Variants in PCDHGA4 observed in about 807,000 individuals in gnomAD.
PCDHGA4 encodes protocadherin gamma-A4.
In PCDHGA4, 38 loss-of-function variants were observed where a neutral mutation model predicts 54.6. That is an observed-to-expected ratio of 0.70 (90% confidence interval 0.54 to 0.91). PCDHGA4 has a LOEUF of 0.91. PCDHGA4 is among the 40% of genes least tolerant of loss of function. The pLI, the probability that PCDHGA4 is intolerant of heterozygous loss-of-function variation, is 0.00. For missense variants in PCDHGA4, 1,298 were observed against 1,220.9 expected (o/e 1.06, Z -0.94); for synonymous variants, 511 against 512.9 (o/e 1.00, Z 0.05).
chr5:141,375,006 A>G (rs774947515), intron 1 of PCDHGA4: 25 of 1,613,884 alleles, frequency 1.5e-5, no homozygotes, highest in Non-Finnish European at 1.8e-5. Context: ...GCAAATCTAG[A>G]CTATGAGGAC....
rs1222364302 is a variant in PCDHGA4, at chr5:141,414,920, C to T, written c.2514+57299C>T. On this transcript the variant is annotated intron_variant, in intron 1 of 3. Coordinates refer to ENST00000571252, the MANE Select transcript of PCDHGA4 (RefSeq NM_018917.4). ...GACGGTTCCACAGGCGTGGAGCTGG[C>T]GCCCCGCTCCGCAGAGCCCGGCTAC... 2.5e-6 allele frequency: 4 copies of T among 1,614,146 alleles called. No individual in the cohort carries two copies. The South Asian group carries it at 3.3e-5, about 13-fold the overall frequency.
rs1458644316 is a variant in PCDHGA4 at position 141,372,571 on chromosome 5, A to G, written c.2514+14950A>G. 1.9e-6 allele frequency: 3 copies of G among 1,613,904 alleles called. No individual in the cohort carries two copies. In the Admixed American group the frequency reaches 5.0e-5, roughly 27 times the overall value. ...TCCTCCAGACCCGCCACTGAGGGCT[A>G]CTTTCAGCCTGGTGTCTGCTTCAAG... On this transcript the variant is annotated intron_variant, in intron 1 of 3. Transcript: ENST00000571252.
chr5:141,387,670 C>T, intron 1 of PCDHGA4: 1 of 694,130 alleles, frequency 1.4e-6, no homozygotes, highest in Non-Finnish European at 2.3e-6. Flanking sequence ...CGCTCCAGAT[C>T]TCCTCGCGCA....
intron 1 of PCDHGA4, chr5:141,403,017 T>C: frequency 6.2e-7 from 1 of 1,614,064 alleles, no homozygotes; most frequent in South Asian, 1.1e-5. Context: ...CTCCTGGGGA[T>C]GCTATGGGAG....
rs757924501 is a variant in PCDHGA4, at chr5:141,490,548, A to G, written c.2515-4259A>G. 1.2e-6 allele frequency: 2 copies of G among 1,614,084 alleles called. No individual in the cohort carries two copies. Among genetic ancestry groups the G allele is most frequent in the South Asian group, 2.2e-5 (2 of 91,080 alleles). ...ATGCTGGTTCACCTTCCCTACACAA[A>G]CATCTCACCATCAGGCTCAACATTT... On this transcript the variant is annotated intron_variant, in intron 1 of 3. Transcript: ENST00000571252. This position sits in a 1 kb window ranked among gnomAD's most constrained non-coding sequence, Gnocchi z 5.4.
intron 1 of PCDHGA4, chr5:141,433,325 C>CA: frequency 2.8e-6 from 2 of 726,266 alleles, no homozygotes; most frequent in Non-Finnish European, 4.5e-6. Context: ...TCCGGTGTAA[C>CA]AGGGACTACA....
At position 141,431,245 on chromosome 5, in the gene PCDHGA4, C is replaced by T; in HGVS notation, c.2515-63562C>T. The T allele has an allele frequency of 1.2e-6, 2 of 1,614,134 alleles. No individual in the cohort carries two copies. The highest frequency in any genetic ancestry group is 1.7e-6 in the Non-Finnish European group (2 of 1,180,038). ...TACCCCACGCCTGGGATCCGGATATCGGGAAGAACTCTCTGCAGAGCTACG... is the reference window on the plus strand; with the variant it reads ...TACCCCACGCCTGGGATCCGGATATTGGGAAGAACTCTCTGCAGAGCTACG... On this transcript the variant is annotated intron_variant, in intron 1 of 3. Transcript: ENST00000571252. This position sits in a 1 kb window ranked among gnomAD's most constrained non-coding sequence, Gnocchi z 4.8.
rs200411745 is a variant in PCDHGA4, at chr5:141,490,281, C to T, written c.2515-4526C>T. The T allele has an allele frequency of 1.2e-6, 2 of 1,614,070 alleles. No homozygotes were observed. The highest frequency in any genetic ancestry group is 1.3e-5 in the African/African-American group (1 of 74,924). On this transcript the variant is annotated intron_variant, in intron 1 of 3. Transcript: ENST00000571252. This position sits in a 1 kb window ranked among gnomAD's most constrained non-coding sequence, Gnocchi z 5.4. The stretch of plus-strand genomic sequence containing the variant: ...ATGTGGGGGATGTCAATGACAATGC[C>T]CCAGAGGTGCTATTGGCCTCTTTGG...
At position 141,431,569 on chromosome 5, in the gene PCDHGA4, CGAA is replaced by C. The variant is rs780392922; in HGVS notation, c.2515-63236_2515-63234del. The C allele has an allele frequency of 1.9e-6, 3 of 1,614,000 alleles. No homozygotes were observed. The highest frequency in any genetic ancestry group is 2.7e-5 in the African/African-American group (2 of 74,932). ...TTGTAGTCAACGCTACCGACCCTGA[CGAA>C]GGAGTCAATGCGGAAGTGAGGTATT... On this transcript the variant is annotated intron_variant, in intron 1 of 3. Transcript: ENST00000571252. This position sits in a 1 kb window ranked among gnomAD's most constrained non-coding sequence, Gnocchi z 4.8.
intron 1 of PCDHGA4, chr5:141,360,103 T>A (rs1233715978): frequency 1.3e-6 from 2 of 1,539,284 alleles, no homozygotes; most frequent in Non-Finnish European, 1.7e-6. Flanking sequence ...GGCTTATTCC[T>A]CCTATGGGCA....
At chr5:141,457,537 T>A (rs967428207) in intron 1 of PCDHGA4, among the ~76,000 whole-genome samples, 2 of 152,228 alleles carry the variant, frequency 1.3e-5, no homozygotes, top group Admixed American at 6.5e-5. Flanking sequence ...TAGGGTTTAA[T>A]GACAAATGTA....
Position 141,433,359 on chromosome 5 carries a change from CTAT to C in PCDHGA4, c.2515-61447_2515-61445del, listed in dbSNP as rs2097588942. 4 of 228,708 alleles carry C rather than the reference CTAT, an allele frequency of 1.7e-5. No homozygotes were observed. In the African/African-American group the frequency reaches 3.4e-4, roughly 19 times the overall value. The allele number at this position is 228,708 out of a possible 1,614,324, so 14.2% of individuals were successfully genotyped here. ...CAGGTGCAAGCCACCTACTGTCTGC[CTAT>C]CTATCTATCTATCTATCTATCTATC... On this transcript the variant is annotated intron_variant, in intron 1 of 3. Coordinates refer to ENST00000571252, the MANE Select transcript of PCDHGA4 (RefSeq NM_018917.4).
intron 1 of PCDHGA4, among the ~76,000 whole-genome samples, chr5:141,473,246 A>G (rs1045740920): frequency 7.2e-5 from 11 of 152,224 alleles, no homozygotes; most frequent in Admixed American, 4.6e-4. Context: ...AAGTGAATAC[A>G]TATATAGTCC....
intron 1 of PCDHGA4, chr5:141,367,812 C>T (rs1012186611): frequency 2.6e-5 from 4 of 151,872 alleles, no homozygotes; most frequent in African/African-American, 9.7e-5. Context: ...ATAGATAAAC[C>T]CTTTACTTAT....
In PCDHGA4 at chr5:141,357,367, C is replaced by A. The variant is rs377276213; in HGVS notation, c.2260C>A (p.Arg754Ser). Residue 754 changes from arginine (R) to serine (S), a missense_variant, in exon 1 of 4, where the codon CGC (arginine) becomes AGC (serine). Arg to Ser is a moderately radical substitution (Grantham distance 110). Coordinates refer to ENST00000571252, the MANE Select transcript of PCDHGA4 (RefSeq NM_018917.4). The part of the protein sequence containing the change: ...ALKLRRWHKS[R>S]LLHAEGSRLA... The stretch of plus-strand genomic sequence containing the variant: ...CAAGCTGAGACGCTGGCACAAGTCA[C>A]GCCTGCTTCACGCTGAAGGCAGCAG... 6 of 1,614,060 alleles carry A rather than the reference C, an allele frequency of 3.7e-6. No individual in the cohort carries two copies. In the African/African-American group the frequency reaches 6.7e-5, roughly 18 times the overall value.
intron 1 of PCDHGA4, among the ~76,000 whole-genome samples, chr5:141,468,890 G>A (rs2099184679): frequency 6.6e-6 from 1 of 151,592 alleles, no homozygotes; most frequent in African/African-American, 2.4e-5. Flanking sequence ...TAATAATAAG[G>A]TACTAATATG....
At chr5:141,361,700 A>G (rs1200553765) in intron 1 of PCDHGA4, 2 of 1,613,456 alleles carry the variant, frequency 1.2e-6, no homozygotes, top group Non-Finnish European at 1.7e-6. Context: ...GCCTTCGATC[A>G]TGAGCAGCTG....
intron 1 of PCDHGA4, among the ~76,000 whole-genome samples, chr5:141,438,497 T>C (rs1274742357): frequency 6.7e-6 from 1 of 149,116 alleles, no homozygotes; most frequent in African/African-American, 2.5e-5. Flanking sequence ...GAAAAAAGAA[T>C]CATAGTGCAA....
intron 1 of PCDHGA4, chr5:141,394,806 G>A: frequency 6.2e-7 from 1 of 1,613,852 alleles, no homozygotes; most frequent in Non-Finnish European, 8.5e-7. Flanking sequence ...CGTAGCCGTG[G>A]CTGACAGCAT....
Sources: gnomAD v4.1 joint callset for allele counts (sites outside exome capture counted in the v4.1 genomes callset) on GRCh38, gnomAD v4.1.1 for gene constraint, Gnocchi (gnomAD v3.1) non-coding constraint, MANE v1.5 for transcripts, NCBI Gene and HGNC (gene_info 2026-07-23, HGNC 2026-07-21) for gene names.